The following CTNNA3 variants were observed in gnomAD, a reference collection of about 807,000 sequenced individuals.
CTNNA3 encodes the protein catenin alpha 3, also known as catenin alpha-3.
A neutral mutation model predicts 95.7 loss-of-function variants in CTNNA3; 76 were observed. The ratio of observed to expected loss-of-function variants is 0.79; its 90% CI spans 0.66 to 0.96. CTNNA3 has a LOEUF of 0.96. Ranked by LOEUF, CTNNA3 falls within the 40% of genes least tolerant of loss-of-function variation. The pLI is 0.00. For missense variants in CTNNA3, 1,191 were observed against 1,089.8 expected (o/e 1.09, Z -1.31); for synonymous variants, 431 against 374.4 (o/e 1.15, Z -1.74).
intron 15 of CTNNA3, among the ~76,000 whole-genome samples, chr10:66,048,237 T>C (rs1489272685): frequency 6.6e-6 from 1 of 152,168 alleles, no homozygotes; most frequent in Non-Finnish European, 1.5e-5. Context: ...ACTACAAGGC[T>C]ACATTAATCA....
At chr10:67,181,937 A>G (rs1314201211) in intron 6 of CTNNA3, among the ~76,000 whole-genome samples, 2 of 152,190 alleles carry the variant, frequency 1.3e-5, no homozygotes, top group Non-Finnish European at 2.9e-5. Flanking sequence ...ACTCCCATTC[A>G]CAATTGCTAC....
chr10:67,108,261 T>C lies in CTNNA3; in HGVS notation c.1047+72056A>G, dbSNP rs534055427. 3.2e-4 allele frequency among the ~76,000 whole-genome samples: 49 copies of C among 152,288 alleles called. No homozygotes were observed. In the South Asian group the frequency reaches 9.9e-3, roughly 31 times the overall value. On this transcript the variant is annotated intron_variant, in intron 7 of 17. Transcript: ENST00000433211. ...CAGTCAAATATATATATTTCTAATC[T>C]GAAACATGATACATAAGAAGCTACT...
intron 5 of CTNNA3, among the ~76,000 whole-genome samples, chr10:67,443,848 G>A (rs1438067939): frequency 6.6e-6 from 1 of 152,028 alleles, no homozygotes; most frequent in East Asian, 1.9e-4. Flanking sequence ...TGCTTTTGGT[G>A]TTTCAGACAT....
At chr10:66,923,288 A>C (rs1037317277) in intron 7 of CTNNA3, among the ~76,000 whole-genome samples, 3 of 152,230 alleles carry the variant, frequency 2.0e-5, no homozygotes, top group Non-Finnish European at 4.4e-5. Flanking sequence ...GAGAGCCCAC[A>C]TTCTCAGTGG....
chr10:67,068,620 A>T (rs1242920800), intron 7 of CTNNA3, among the ~76,000 whole-genome samples: 1 of 152,236 alleles, frequency 6.6e-6, no homozygotes, highest in Non-Finnish European at 1.5e-5. Context: ...AAAAAAGACA[A>T]GAAGAAAATG....
chr10:66,653,228 A>C (rs2132420770), intron 9 of CTNNA3, among the ~76,000 whole-genome samples: 1 of 152,238 alleles, frequency 6.6e-6, no homozygotes, highest in Admixed American at 6.5e-5. Flanking sequence ...TAGTGACCTC[A>C]CTAAACTACT....
chr10:66,420,841 A>ATTAATTAAT, intron 11 of CTNNA3, among the ~76,000 whole-genome samples: 1 of 147,622 alleles, frequency 6.8e-6, no homozygotes, highest in Non-Finnish European at 1.5e-5. Context: ...AAATAAATAA[A>ATTAATTAAT]AAACAATATG....
At chr10:67,310,360 G>T (rs1840739681) in intron 5 of CTNNA3, among the ~76,000 whole-genome samples, 1 of 152,030 alleles carries the variant, frequency 6.6e-6, no homozygotes, top group Non-Finnish European at 1.5e-5. Flanking sequence ...AAAGTAAACA[G>T]CACTAAAACC....
At chr10:66,333,207 G>T (rs535451003) in intron 12 of CTNNA3, among the ~76,000 whole-genome samples, 1 of 151,954 alleles carries the variant, frequency 6.6e-6, no homozygotes, top group Non-Finnish European at 1.5e-5. Context: ...TTTTTGAAGG[G>T]TTTTTTGTGT....
chr10:66,708,495 A>G lies in CTNNA3; in HGVS notation c.1281+57769T>C, dbSNP rs904254379. 3.4e-4 allele frequency among the ~76,000 whole-genome samples: 51 copies of G among 152,106 alleles called. No homozygotes were observed. The Middle Eastern group carries it at 0.01, about 30-fold the overall frequency. ...ATGTTAGGTAAAGTCCCATCCTAGA[A>G]GTCTCATTTTGTCTCAATTACCCCT... On this transcript the variant is annotated intron_variant, in intron 9 of 17. Coordinates refer to ENST00000433211, the MANE Select transcript of CTNNA3 (RefSeq NM_013266.4).
chr10:67,038,237 GCCA>G (rs1287349491), intron 7 of CTNNA3, among the ~76,000 whole-genome samples: 25 of 151,970 alleles, frequency 1.6e-4, no homozygotes, highest in African/African-American at 5.8e-4. Context: ...TTGTTGATTA[GCCA>G]TTCTAAAAAA....
chr10:66,997,319 G>C (rs752053915), intron 7 of CTNNA3, among the ~76,000 whole-genome samples: 2 of 152,062 alleles, frequency 1.3e-5, no homozygotes, highest in Non-Finnish European at 2.9e-5. Flanking sequence ...AATCTGAGCA[G>C]GAAATACTTA....
chr10:66,134,060 C>T (rs1452138998), intron 13 of CTNNA3, among the ~76,000 whole-genome samples: 1 of 152,036 alleles, frequency 6.6e-6, no homozygotes, highest in Non-Finnish European at 1.5e-5. Flanking sequence ...ATGACAAAAA[C>T]ACCACAGTCA....
At chr10:66,293,991 C>G (rs1382079388) in intron 12 of CTNNA3, among the ~76,000 whole-genome samples, 1 of 151,984 alleles carries the variant, frequency 6.6e-6, no homozygotes, top group East Asian at 1.9e-4. Flanking sequence ...AGAAAAAAAT[C>G]AAGCACCTTT....
intron 5 of CTNNA3, among the ~76,000 whole-genome samples, chr10:67,368,452 G>A (rs1843295043): frequency 6.6e-6 from 1 of 152,124 alleles, no homozygotes; most frequent in South Asian, 2.1e-4. Flanking sequence ...ACAGTTTGAT[G>A]ATTTCTTAAA....
chr10:66,336,088 T>A (rs1346955747), intron 12 of CTNNA3, among the ~76,000 whole-genome samples: 1 of 152,086 alleles, frequency 6.6e-6, no homozygotes, highest in Non-Finnish European at 1.5e-5. Context: ...AAAAGCGCAG[T>A]ATTAGGGTGG....
chr10:67,348,965 A>G (rs1344953265), intron 5 of CTNNA3, among the ~76,000 whole-genome samples: 1 of 152,200 alleles, frequency 6.6e-6, no homozygotes, highest in Non-Finnish European at 1.5e-5. Context: ...TATACGCAAC[A>G]TCATTAATCA....
chr10:67,039,909 G>C (rs1854290018), intron 7 of CTNNA3, among the ~76,000 whole-genome samples: 1 of 152,094 alleles, frequency 6.6e-6, no homozygotes. Flanking sequence ...CTATGTCTTA[G>C]AAGTTTTGGA....
At chr10:66,742,766 A>G (rs968213336) in intron 9 of CTNNA3, among the ~76,000 whole-genome samples, 12 of 152,212 alleles carry the variant, frequency 7.9e-5, no homozygotes, top group Admixed American at 2.6e-4. Flanking sequence ...AAGATATCTA[A>G]TTATCAAGAC....
Sources: allele counts gnomAD v4.1 joint callset (sites outside exome capture counted in the v4.1 genomes callset), GRCh38; gene constraint gnomAD v4.1.1; transcripts MANE v1.5; gene names NCBI Gene and HGNC (gene_info 2026-07-23, HGNC 2026-07-21).